Variants in CPS1 observed in about 807,000 individuals in gnomAD.
The protein encoded by CPS1 is carbamoyl-phosphate synthase 1, also known as carbamoyl-phosphate synthase [ammonia], mitochondrial.
A neutral mutation model predicts 174.6 loss-of-function variants in CPS1; 109 were observed. That is an observed-to-expected ratio of 0.62 (90% CI 0.53 to 0.73). The LOEUF is 0.73. Ranked by LOEUF, CPS1 falls within the 30% of genes least tolerant of loss-of-function variation. The probability of loss-of-function intolerance (pLI) is 0.00; values close to 1 mark genes in which losing one functional copy is unlikely to be tolerated. For synonymous variants in CPS1, 637 were observed against 632.0 expected (o/e 1.01, Z -0.12); for missense variants, 1,689 against 1,821.9 (o/e 0.93, Z 1.33).
chr2:210,509,510 A>T (rs1224458915), intron 1 of CPS1, among the ~76,000 whole-genome samples: 14 of 152,182 alleles, frequency 9.2e-5, no homozygotes. Flanking sequence ...TATTCAACAT[A>T]GTGTTGGAAG....
chr2:210,603,041 C>T (rs924429329), intron 16 of CPS1, among the ~76,000 whole-genome samples: 4 of 151,868 alleles, frequency 2.6e-5, no homozygotes, highest in African/African-American at 9.7e-5. Flanking sequence ...AGAAAATATG[C>T]TCCAGGAAAA....
chr2:210,560,039 A>G (rs1003599148), intron 1 of CPS1, among the ~76,000 whole-genome samples: 5 of 152,114 alleles, frequency 3.3e-5, no homozygotes, highest in Non-Finnish European at 7.4e-5. Context: ...AAGGTATTTG[A>G]TAAGAATTCT....
intron 1 of CPS1, among the ~76,000 whole-genome samples, chr2:210,563,373 G>A (rs1009287768): frequency 2.0e-5 from 3 of 152,034 alleles, no homozygotes; most frequent in African/African-American, 7.2e-5. Flanking sequence ...ATATAAATAG[G>A]ACATTTTAGG....
chr2:210,563,404 C>T (rs987152238), intron 1 of CPS1, among the ~76,000 whole-genome samples: 9 of 152,188 alleles, frequency 5.9e-5, no homozygotes, highest in South Asian at 2.1e-4. Flanking sequence ...TTACAGTTGA[C>T]GTATTTCTTC....
chr2:210,601,945 A>C (rs1698740937), intron 15 of CPS1, among the ~76,000 whole-genome samples: 1 of 151,932 alleles, frequency 6.6e-6, no homozygotes, highest in South Asian at 2.1e-4. Flanking sequence ...GTTCTGTTTC[A>C]ATAGGACAGG....
rs545287030 is a variant in CPS1, at chr2:210,584,614, C to G, written c.621+1905C>G. 4.6e-5 allele frequency among the ~76,000 whole-genome samples: 7 copies of G among 152,084 alleles called. No individual in the cohort carries two copies. In the East Asian group the frequency reaches 1.2e-3, roughly 25 times the overall value. On this transcript the variant is annotated intron_variant, in intron 6 of 37. Coordinates refer to ENST00000233072, the MANE Select transcript of CPS1 (RefSeq NM_001875.5). The stretch of plus-strand genomic sequence containing the variant: ...AATAACAACCAAGCTTTTTTGAACA[C>G]TCAGTTAATTTTCATAAAAACTCCA...
intron 33 of CPS1, among the ~76,000 whole-genome samples, chr2:210,666,411 T>A (rs1701098700): frequency 6.6e-6 from 1 of 151,626 alleles, no homozygotes; most frequent in Non-Finnish European, 1.5e-5. Flanking sequence ...CATGCCTATG[T>A]CCTGAATGGT....
At chr2:210,618,499 C>T (rs1009900040) in intron 21 of CPS1, 1 of 152,096 alleles carries the variant, frequency 6.6e-6, no homozygotes, top group Non-Finnish European at 1.5e-5. Flanking sequence ...AAACCCTGAA[C>T]TCATTATCTG....
intron 27 of CPS1, among the ~76,000 whole-genome samples, chr2:210,650,162 T>G (rs1700514496): frequency 6.6e-6 from 1 of 152,220 alleles, no homozygotes; most frequent in African/African-American, 2.4e-5. Flanking sequence ...ACACTTTACC[T>G]TCTTCCATCC....
chr2:210,482,981 T>C (rs1385865564), intron 1 of CPS1, among the ~76,000 whole-genome samples: 2 of 152,182 alleles, frequency 1.3e-5, no homozygotes, highest in Admixed American at 1.3e-4. Context: ...AGACTAAATA[T>C]TGATCAACCA....
chr2:210,614,715 T>C (rs1699243077), intron 20 of CPS1, among the ~76,000 whole-genome samples: 1 of 151,926 alleles, frequency 6.6e-6, no homozygotes, highest in Non-Finnish European at 1.5e-5. Flanking sequence ...TAAAAAAGGA[T>C]GAATTCATGT....
chr2:210,510,186 C>T (rs1695422457), intron 1 of CPS1, among the ~76,000 whole-genome samples: 1 of 152,134 alleles, frequency 6.6e-6, no homozygotes, highest in South Asian at 2.1e-4. Context: ...GAGATCTAGA[C>T]CAATGGAACA....
At chr2:210,576,533 A>G (rs760888420) in intron 3 of CPS1, 43 bp downstream of exon 3, 2 of 1,610,084 alleles carry the variant, frequency 1.2e-6, no homozygotes, top group South Asian at 2.2e-5. Flanking sequence ...AATTTGAGGG[A>G]GTATAGTTGA....
upstream of CPS1, chr2:210,555,548 C>T (rs988642242): frequency 1.1e-5 from 5 of 445,298 alleles, no homozygotes; most frequent in African/African-American, 8.1e-5. Context: ...AACTTTGTTC[C>T]TCTTTAAAAA....
At chr2:210,535,424 C>A (rs545271405) in intron 1 of CPS1, among the ~76,000 whole-genome samples, 1 of 152,304 alleles carries the variant, frequency 6.6e-6, no homozygotes, top group South Asian at 2.1e-4. Context: ...TTAAAAACCT[C>A]ATGACCTCAT....
chr2:210,554,194 T>TATATATGTATGTATATATATACACACAC (rs1696822756), upstream of CPS1, among the ~76,000 whole-genome samples: 1 of 94,828 alleles, frequency 1.1e-5, no homozygotes, highest in South Asian at 3.9e-4. Context: ...CACACACACA[T>TATATATGTATGTATATATATACACACAC]ATATATATGT....
At chr2:210,517,447 G>A (rs774625407) in intron 1 of CPS1, among the ~76,000 whole-genome samples, 2 of 151,938 alleles carry the variant, frequency 1.3e-5, no homozygotes, top group Admixed American at 6.6e-5. Flanking sequence ...TTTGGTCTGG[G>A]TCAGATGCAA....
At chr2:210,493,665 C>G (rs1354465342) in intron 1 of CPS1, among the ~76,000 whole-genome samples, 1 of 152,164 alleles carries the variant, frequency 6.6e-6, no homozygotes, top group East Asian at 1.9e-4. Context: ...TTTCAGTCAC[C>G]TAATGATTGG....
chr2:210,648,034 C>T lies in CPS1; in HGVS notation c.3313C>T (p.Pro1105Ser), dbSNP rs761921978. The T allele has an allele frequency of 5.3e-5, 85 of 1,613,938 alleles. 1 individual carries two copies. The Middle Eastern group carries it at 9.9e-4, about 19-fold the overall frequency. Residue 1105 changes from proline to serine, a missense_variant, in exon 26 of 38, where the codon CCT becomes TCT. Pro to Ser is a moderately conservative substitution (Grantham distance 74). Coordinates refer to ENST00000233072, the MANE Select transcript of CPS1 (RefSeq NM_001875.5). The stretch of plus-strand genomic sequence containing the variant: ...GGATGAGCTGAAGGTGGCTCAGGCA[C>T]CTTGGAAAGCTGTTAATACTTTGGT... ...VLDELKVAQA[P>S]WKAVNTLNEA...
Sources: gnomAD v4.1 joint callset for allele counts (sites outside exome capture counted in the v4.1 genomes callset) on GRCh38, gnomAD v4.1.1 for gene constraint, MANE v1.5 for transcripts, NCBI Gene and HGNC (gene_info 2026-07-23, HGNC 2026-07-21) for gene names.